Variants in MIS18BP1 observed in about 807,000 individuals in gnomAD.
MIS18BP1 encodes MIS18 binding protein 1.
A neutral mutation model predicts 116.1 loss-of-function variants in MIS18BP1; 72 were observed. The ratio of observed to expected loss-of-function variants is 0.62; its 90% CI spans 0.51 to 0.75. MIS18BP1 has a LOEUF of 0.75. Among genes scored for constraint, MIS18BP1 ranks in the 30% least tolerant of loss-of-function variants. MIS18BP1 has a pLI of 0.00. For missense variants in MIS18BP1, 1,363 were observed against 1,303.2 expected (o/e 1.05, Z -0.71); for synonymous variants, 386 against 427.0 (o/e 0.90, Z 1.18).
chr14:45,226,827 C>T lies in MIS18BP1; in HGVS notation c.1756G>A (p.Gly586Arg), dbSNP rs1428476036. The T allele has an allele frequency of 1.1e-5, 15 of 1,372,284 alleles. No homozygotes were observed. The highest frequency in any genetic ancestry group is 2.8e-5 in the East Asian group (1 of 35,348). 85.0% of individuals were successfully genotyped at this position (1,372,284 alleles called of 1,614,324 possible). A position where few individuals can be genotyped will look rare whatever the true frequency, so the allele number is the denominator to read the frequency against. The change falls in exon 10 of 17, where the codon GGA (glycine) becomes AGA (arginine). Residue 586 changes from glycine (G) to arginine (R), a missense_variant. Coordinates refer to ENST00000310806, the MANE Select transcript of MIS18BP1 (RefSeq NM_018353.5). The part of the protein sequence containing the change: ...GDDLSNQELI[G>R]KKEYKMSSKK... ...GAAGACATTTTATATTCTTTTTTTC[C>T]AATTAATTCCTTCAAAACAAAAAGA...
intron 2 of MIS18BP1, 141 bp downstream of exon 2, chr14:45,246,602 C>A: frequency 1.7e-6 from 1 of 585,532 alleles, no homozygotes; most frequent in Non-Finnish European, 2.7e-6. Context: ...ATTATGTCTT[C>A]CCACCATGTG....
In MIS18BP1 at chr14:45,250,520, T is replaced by C. The variant is rs149871009; in HGVS notation, c.-92+2515A>G. Among the ~76,000 whole-genome samples the C allele has an allele frequency of 3.2e-3, 483 of 152,056 alleles. 4 individuals are homozygous for C. Among genetic ancestry groups the C allele is most frequent in the African/African-American group, 0.011 (468 of 41,332 alleles). ...CCTGTCCTGAAGCCAAGCACATTTGTTGACCTAACAGATGGAGGTCACTAA... is the reference window on the plus strand; with the variant it reads ...CCTGTCCTGAAGCCAAGCACATTTGCTGACCTAACAGATGGAGGTCACTAA... On this transcript the variant is annotated intron_variant, in intron 1 of 16. Transcript: ENST00000310806.
In MIS18BP1 at chr14:45,224,156, T is replaced by G. The variant is rs1322818242; in HGVS notation, c.2431A>C (p.Ser811Arg). ...GGTTCCAAAATCACTGGAATATTAC[T>G]TGTGTTTCTTGTGCTCTTTCTCAGG... Reference protein sequence around the residue: ...VHLRKSTRNTSNIPVILEPET... With the variant: ...VHLRKSTRNTRNIPVILEPET... Residue 811 changes from serine to arginine, a missense_variant, in exon 11 of 17, where the codon AGT (serine) becomes CGT (arginine). Coordinates refer to ENST00000310806, the MANE Select transcript of MIS18BP1 (RefSeq NM_018353.5). The G allele has an allele frequency of 3.7e-6, 6 of 1,613,968 alleles. No homozygotes were observed. Among genetic ancestry groups the G allele is most frequent in the Non-Finnish European group, 4.2e-6 (5 of 1,179,982 alleles).
intron 2 of MIS18BP1, among the ~76,000 whole-genome samples, chr14:45,246,257 C>G (rs1891719122): frequency 6.6e-6 from 1 of 152,014 alleles, no homozygotes; most frequent in Non-Finnish European, 1.5e-5. Flanking sequence ...ATTATCTGAC[C>G]CACTCTTATT....
chr14:45,231,415 G>A (rs1566814385), intron 7 of MIS18BP1, 117 bp from the exon 8 acceptor site: 3 of 868,120 alleles, frequency 3.5e-6, no homozygotes, highest in Admixed American at 6.1e-5. Flanking sequence ...CCCAGGCAGG[G>A]TATCTTTAAT....
Position 45,223,926 on chromosome 14 carries a change from T to C in MIS18BP1, c.2661A>G (p.Lys887=). 6.4e-7 allele frequency: 1 copy of C among 1,570,018 alleles called. No homozygotes were observed. Among genetic ancestry groups the C allele is most frequent in the Non-Finnish European group, 8.6e-7 (1 of 1,164,208 alleles). ...GAAATCTAACTACTTACCAATGAAG[T>C]TTCTGTAACTCCTTCTCATTCCATT... is the stretch of plus-strand genomic sequence containing the variant. ...DKEWNEKELQ[K]LHCAFASLPK... The change falls in exon 11 of 17, where the codon AAA becomes AAG. Residue 887 remains lysine (K), a synonymous_variant. Coordinates refer to ENST00000310806, the MANE Select transcript of MIS18BP1 (RefSeq NM_018353.5).
intron 14 of MIS18BP1, among the ~76,000 whole-genome samples, chr14:45,208,330 G>GTTTTTTTTTTTTTTTTTTTTTTTTTTTT (rs1166566812): frequency 8.3e-6 from 1 of 120,942 alleles, no homozygotes; most frequent in African/African-American, 3.1e-5. Context: ...GGATGAAGTT[G>GTTTTTTTTTTTTTTTTTTTTTTTTTTTT]TTTTTTTTTT....
At chr14:45,232,636 A>T in intron 7 of MIS18BP1, 97 bp downstream of exon 7, 3 of 726,816 alleles carry the variant, frequency 4.1e-6, no homozygotes, top group Non-Finnish European at 4.7e-6. Context: ...CTCTATTAAA[A>T]ATACAAAAAT....
intron 11 of MIS18BP1, among the ~76,000 whole-genome samples, chr14:45,223,602 A>G (rs1594510400): frequency 6.6e-6 from 1 of 152,248 alleles, no homozygotes; most frequent in South Asian, 2.1e-4. Context: ...AACAAAAAAC[A>G]AAAAAATGCA....
intron 1 of MIS18BP1, 32 bp from the exon 2 acceptor site, chr14:45,247,409 T>C (rs1891753172): frequency 4.2e-6 from 3 of 711,962 alleles, no homozygotes; most frequent in Non-Finnish European, 6.6e-6. Context: ...GCCTTTATCA[T>C]GCTTTGGTGC....
intron 14 of MIS18BP1, chr14:45,206,400 A>G (rs1566799561): frequency 5.4e-5 from 21 of 391,206 alleles, no homozygotes; most frequent in South Asian, 4.8e-4. Flanking sequence ...GATCCTCCCA[A>G]CTCAGCCTCC....
At chr14:45,205,933 G>A (rs1594494401) in intron 15 of MIS18BP1, 150 bp downstream of exon 15, 3 of 548,088 alleles carry the variant, frequency 5.5e-6, no homozygotes, top group East Asian at 3.1e-5. Context: ...CAGTACTTAT[G>A]TGCTTACCTC....
At chr14:45,215,806 G>A (rs960135669) in intron 13 of MIS18BP1, among the ~76,000 whole-genome samples, 5 of 151,374 alleles carry the variant, frequency 3.3e-5, no homozygotes, top group African/African-American at 1.2e-4. Context: ...CTGGGTTCAT[G>A]CTATTCTCCT....
At chr14:45,234,688 CAAG>C (rs1891375792) in intron 6 of MIS18BP1, among the ~76,000 whole-genome samples, 2 of 152,034 alleles carry the variant, frequency 1.3e-5, no homozygotes, top group Non-Finnish European at 2.9e-5. Flanking sequence ...CAAGCAGCAC[CAAG>C]AAACCACTAA....
At chr14:45,235,312 G>A (rs1334216807) in intron 6 of MIS18BP1, among the ~76,000 whole-genome samples, 2 of 151,726 alleles carry the variant, frequency 1.3e-5, no homozygotes, top group Admixed American at 6.6e-5. Context: ...AGGAAACCAC[G>A]ATGTTGTTCC....
At position 45,231,191 on chromosome 14, in the gene MIS18BP1, T is replaced by G; in HGVS notation, c.1544A>C (p.Asp515Ala). Residue 515 changes from aspartate to alanine, a missense_variant, in exon 8 of 17, where the codon GAT becomes GCT. Asp to Ala is a moderately radical substitution (Grantham distance 126, BLOSUM62 -2). Transcript: ENST00000310806. The stretch of plus-strand genomic sequence containing the variant: ...AGTGGTGGTGGCTCTTTGAGCAGTA[T>G]CTGTTTGGTTTTCTCGTGCATCATT... ...MKNDARENQTDTAQRATTTYD... is the reference protein window; with the variant it reads ...MKNDARENQTATAQRATTTYD... The G allele has an allele frequency of 1.2e-6, 2 of 1,614,024 alleles. No individual in the cohort carries two copies. The highest frequency in any genetic ancestry group is 1.7e-6 in the Non-Finnish European group (2 of 1,179,956).
intron 13 of MIS18BP1, among the ~76,000 whole-genome samples, chr14:45,213,341 AATGATGGG>A (rs1219091851): frequency 6.6e-6 from 1 of 152,218 alleles, no homozygotes; most frequent in Non-Finnish European, 1.5e-5. Context: ...GATAAACAAG[AATGATGGG>A]GGTCTGCAGG....
At chr14:45,243,923 T>C (rs915872848) in intron 2 of MIS18BP1, among the ~76,000 whole-genome samples, 3 of 152,184 alleles carry the variant, frequency 2.0e-5, no homozygotes, top group African/African-American at 7.2e-5. Flanking sequence ...TGGTCAGGTA[T>C]TTCTTACTCT....
rs1890514920 is a variant in MIS18BP1 at position 45,206,267 on chromosome 14, C to CA, written c.3153-98dup. The CA allele has an allele frequency of 9.2e-6, 7 of 761,922 alleles. 1 individual carries two copies. The highest frequency in any genetic ancestry group is 2.7e-5 in the Admixed American group (1 of 36,452). 47.2% of individuals were successfully genotyped at this position (761,922 alleles called of 1,614,324 possible). On this transcript the variant is annotated intron_variant, in intron 14 of 16. Coordinates refer to ENST00000310806, the MANE Select transcript of MIS18BP1 (RefSeq NM_018353.5). ...ATACTTTTAACCACAGGTTGAACAA[C>CA]AATTGCCTAAATTAATTTCAAATGT...
Sources: allele counts gnomAD v4.1 joint callset (sites outside exome capture counted in the v4.1 genomes callset), GRCh38; gene constraint gnomAD v4.1.1; transcripts MANE v1.5; gene names NCBI Gene and HGNC (gene_info 2026-07-23, HGNC 2026-07-21).